Variants in CFAP61 observed in about 807,000 individuals in gnomAD.
CFAP61 encodes the protein cilia- and flagella-associated protein 61.
In CFAP61, 107 loss-of-function variants were observed where a neutral mutation model predicts 135.6. The observed-to-expected ratio is 0.79, with a 90% CI of 0.67 to 0.93. The LOEUF (loss-of-function observed/expected upper bound fraction) is 0.93, where lower values mean the gene tolerates loss of function less well. Among genes scored for constraint, CFAP61 ranks in the 40% least tolerant of loss-of-function variants. The pLI, the probability that CFAP61 is intolerant of heterozygous loss-of-function variation, is 0.00. For synonymous variants in CFAP61, 575 were observed against 578.5 expected (o/e 0.99, Z 0.09); for missense variants, 1,507 against 1,556.2 (o/e 0.97, Z 0.53).
chr20:20,354,843 C>CTG (rs1349861876), intron 26 of CFAP61, among the ~76,000 whole-genome samples: 1 of 126,868 alleles, frequency 7.9e-6, no homozygotes, highest in African/African-American at 3.0e-5. Context: ...AGTAATCACA[C>CTG]TGTGAGGGGA....
At chr20:20,099,018 T>C (rs1291923029) in intron 8 of CFAP61, among the ~76,000 whole-genome samples, 1 of 152,120 alleles carries the variant, frequency 6.6e-6, no homozygotes, top group Non-Finnish European at 1.5e-5. Context: ...GAGTTAGACA[T>C]AGTGGACTTG....
At chr20:20,099,659 C>A (rs1472743482) in intron 8 of CFAP61, among the ~76,000 whole-genome samples, 2 of 152,102 alleles carry the variant, frequency 1.3e-5, no homozygotes, top group Admixed American at 1.3e-4. Flanking sequence ...TGTTGATCAT[C>A]ACCGTTAGCA....
chr20:20,286,268 C>T (rs946774659), intron 22 of CFAP61, among the ~76,000 whole-genome samples: 13 of 152,328 alleles, frequency 8.5e-5, no homozygotes, highest in South Asian at 8.3e-4. Flanking sequence ...CTGATAGTGG[C>T]GCCTCCTGGG....
chr20:20,283,981 A>G (rs2147054844), intron 22 of CFAP61, among the ~76,000 whole-genome samples: 1 of 152,328 alleles, frequency 6.6e-6, no homozygotes, highest in East Asian at 1.9e-4. Flanking sequence ...ACACATTCAC[A>G]GTTCATGCTT....
At chr20:20,118,808 C>T (rs1427972350) in intron 8 of CFAP61, among the ~76,000 whole-genome samples, 1 of 151,660 alleles carries the variant, frequency 6.6e-6, no homozygotes, top group African/African-American at 2.4e-5. Flanking sequence ...TACATTGAAC[C>T]ATCCTTGCAT....
chr20:20,067,569 G>T lies in CFAP61; in HGVS notation c.144-3285G>T, dbSNP rs768939350. Among the ~76,000 whole-genome samples the T allele has an allele frequency of 2.0e-5, 3 of 150,190 alleles. No homozygotes were observed. In the South Asian group the frequency reaches 6.3e-4, roughly 31 times the overall value. On this transcript the variant is annotated intron_variant, in intron 2 of 26. Transcript: ENST00000245957. ...AGGCAGGAGAATCACTTGAACCCTG[G>T]ATGGGGAGGTTGCAGTGAGCTGAGA...
chr20:20,200,382 A>G (rs1321418478), intron 17 of CFAP61, among the ~76,000 whole-genome samples: 1 of 152,138 alleles, frequency 6.6e-6, no homozygotes, highest in Admixed American at 6.5e-5. Flanking sequence ...CATTTGAATC[A>G]AGATGATTAA....
intron 18 of CFAP61, 41 bp from the exon 19 acceptor site, chr20:20,246,076 C>A (rs1165249944): frequency 4.7e-6 from 6 of 1,268,738 alleles, no homozygotes; most frequent in Non-Finnish European, 6.8e-6. Context: ...TGCTAAATTG[C>A]ACTTAACTGC....
chr20:20,053,323 G>A (rs1260446236), intron 1 of CFAP61, among the ~76,000 whole-genome samples: 1 of 152,106 alleles, frequency 6.6e-6, no homozygotes, highest in African/African-American at 2.4e-5. Flanking sequence ...ACAGCTTCCT[G>A]CTATCAATTA....
chr20:20,350,720 C>A lies in CFAP61; in HGVS notation c.3513+8799C>A, dbSNP rs146267930. Among the ~76,000 whole-genome samples the A allele has an allele frequency of 3.1e-3, 471 of 152,322 alleles. 2 individuals are homozygous for A. The highest frequency in any genetic ancestry group is 0.011 in the African/African-American group (438 of 41,582). On this transcript the variant is annotated intron_variant, in intron 26 of 26. Transcript: ENST00000245957. ...ACATTCAAAGCAGCACTGTTTAGAA[C>A]AGCCAGAAGGAGGAAACAACCCAAA...
Position 20,296,339 on chromosome 20 carries a change from CCTTG to C in CFAP61, c.3217-1838_3217-1835del, listed in dbSNP as rs1188703642. Among the ~76,000 whole-genome samples, 609 of 66,210 alleles carry C rather than the reference CCTTG, an allele frequency of 9.2e-3. 8 individuals carry two copies. The highest frequency in any genetic ancestry group is 0.016 in the Non-Finnish European group (516 of 32,956). The allele number at this position is 66,210 out of a possible 152,430, so 43.4% of individuals were successfully genotyped here. ...CCCTCCTTCCTTCCCTTCCTTCCTT[CCTTG>C]CTTCCTTCCTTCTTTCCTTTCTTCA... On this transcript the variant is annotated intron_variant, in intron 24 of 26. Transcript: ENST00000245957.
At chr20:20,320,694 T>C (rs2057469733) in intron 25 of CFAP61, among the ~76,000 whole-genome samples, 1 of 148,826 alleles carries the variant, frequency 6.7e-6, no homozygotes, top group Non-Finnish European at 1.5e-5. Context: ...AATTGGGTAA[T>C]GGATGATGGG....
At chr20:20,100,815 C>T (rs1039745142) in intron 8 of CFAP61, among the ~76,000 whole-genome samples, 2 of 152,088 alleles carry the variant, frequency 1.3e-5, no homozygotes, top group African/African-American at 4.8e-5. Flanking sequence ...CATACGTAAG[C>T]TAGTATATCT....
At chr20:20,212,374 C>T (rs890227937) in intron 17 of CFAP61, among the ~76,000 whole-genome samples, 4 of 152,148 alleles carry the variant, frequency 2.6e-5, no homozygotes, top group Admixed American at 6.5e-5. Context: ...CAATCCTCAT[C>T]CAAGTTTGGC....
intron 13 of CFAP61, chr20:20,172,319 A>G: frequency 1.2e-6 from 1 of 868,950 alleles, no homozygotes; most frequent in South Asian, 5.7e-5. Flanking sequence ...TTTAATTAAT[A>G]AACTTTTTTT....
intron 9 of CFAP61, among the ~76,000 whole-genome samples, chr20:20,146,451 G>A (rs942844648): frequency 6.6e-6 from 1 of 152,126 alleles, no homozygotes; most frequent in African/African-American, 2.4e-5. Flanking sequence ...CACTGCTGCT[G>A]GAAGAAAATA....
chr20:20,282,511 C>A (rs1429482816), intron 22 of CFAP61, among the ~76,000 whole-genome samples: 1 of 152,150 alleles, frequency 6.6e-6, no homozygotes, highest in African/African-American at 2.4e-5. Context: ...ATTTTCTAAT[C>A]TCCCTGTGAT....
chr20:20,292,424 T>C (rs2055055295), intron 24 of CFAP61, among the ~76,000 whole-genome samples: 1 of 152,208 alleles, frequency 6.6e-6, no homozygotes, highest in Admixed American at 6.5e-5. Flanking sequence ...AAGATCATCA[T>C]AGTGTTCCAG....
intron 25 of CFAP61, among the ~76,000 whole-genome samples, chr20:20,299,172 T>G (rs528262475): frequency 6.6e-6 from 1 of 152,316 alleles, no homozygotes; most frequent in South Asian, 2.1e-4. Flanking sequence ...AATTGTAGAA[T>G]GCATCATACA....
Sources: allele counts gnomAD v4.1 joint callset (sites outside exome capture counted in the v4.1 genomes callset), GRCh38; gene constraint gnomAD v4.1.1; transcripts MANE v1.5; gene names NCBI Gene and HGNC (gene_info 2026-07-23, HGNC 2026-07-21).